The following MUC5B variants were observed in gnomAD, a reference collection of about 807,000 sequenced individuals.
MUC5B encodes mucin 5B, oligomeric mucus/gel-forming, also known as mucin-5B.
MUC5B carries 116 observed loss-of-function variants against 376.9 expected under a neutral mutation model. That is an observed-to-expected ratio of 0.31 (90% CI 0.26 to 0.36). MUC5B has a LOEUF of 0.36. Ranked by LOEUF, MUC5B falls within the 10% of genes least tolerant of loss-of-function variation. The pLI is 1.00. For missense variants in MUC5B, 7,165 were observed against 7,769.9 expected (o/e 0.92, Z 2.93); for synonymous variants, 3,517 against 3,390.9 (o/e 1.04, Z -1.29).
intron 31 of MUC5B, 119 bp downstream of exon 31, chr11:1,251,862 C>CAAG: frequency 1.3e-6 from 1 of 765,814 alleles, no homozygotes; most frequent in African/African-American, 1.7e-5. Context: ...CCCCACTGGC[C>CAAG]TCACTTGGCC....
In MUC5B at chr11:1,234,645, G is replaced by T; in HGVS notation, c.2595G>T (p.Lys865Asn). Residue 865 changes from lysine to asparagine, a missense_variant, in exon 21 of 49, where the codon AAG becomes AAT. Lys to Asn is a moderately conservative substitution (Grantham distance 94). Around this residue, in one of 31 missense-constraint regions of MUC5B, gnomAD observed 530 missense variants for 604.0 expected, o/e 0.88. Coordinates refer to ENST00000529681, the MANE Select transcript of MUC5B (RefSeq NM_002458.3). The surrounding 1 kb of genome is among the most constrained non-coding windows in gnomAD (Gnocchi z 6.3). ...GTGTGCACAACGAGGCCACCTACAA[G>T]CCTGGAGAGACCATCAGGGTCGACT... Reference protein sequence around the residue: ...CPCVHNEATYKPGETIRVDCN... With the variant: ...CPCVHNEATYNPGETIRVDCN... 6.5e-7 allele frequency: 1 copy of T among 1,550,180 alleles called. No homozygotes were observed. Among genetic ancestry groups the T allele is most frequent in the Non-Finnish European group, 8.7e-7 (1 of 1,147,184 alleles).
chr11:1,227,921 G>A, intron 7 of MUC5B, 140 bp downstream of exon 7: 1 of 608,774 alleles, frequency 1.6e-6, no homozygotes, highest in African/African-American at 1.8e-5. Context: ...CCCTCTGTGT[G>A]CTCAGTTCCA....
chr11:1,225,754 G>T lies in MUC5B; in HGVS notation c.127+17G>T. On this transcript the variant is annotated intron_variant, in intron 2 of 48. Coordinates refer to ENST00000529681, the MANE Select transcript of MUC5B (RefSeq NM_002458.3). ...TGGATGGCGGTATGTGGCCAGGTTC[G>T]GGGGTGGGGGGTTCCTGACCAGGCT... The T allele has an allele frequency of 6.3e-7, 1 of 1,599,182 alleles. No individual in the cohort carries two copies. Among genetic ancestry groups the T allele is most frequent in the East Asian group, 2.3e-5 (1 of 44,196 alleles).
At position 1,234,336 on chromosome 11, in the gene MUC5B, A is replaced by G; in HGVS notation, c.2478+31A>G. On this transcript the variant is annotated intron_variant, in intron 20 of 48. Transcript: ENST00000529681. This position sits in a 1 kb window ranked among gnomAD's most constrained non-coding sequence, Gnocchi z 6.3. ...TTCCATGCTTCAGGGAGGGGTGGGC[A>G]GGGAAGGGGTCCCAGCTTTCCCAGC... is the stretch of plus-strand genomic sequence containing the variant. 11 of 744,162 alleles carry G rather than the reference A, an allele frequency of 1.5e-5. No individual in the cohort carries two copies. Among genetic ancestry groups the G allele is most frequent in the Non-Finnish European group, 2.3e-5 (10 of 440,588 alleles). 46.1% of individuals were successfully genotyped at this position (744,162 alleles called of 1,614,324 possible).
At chr11:1,232,577 G>A in intron 16 of MUC5B, 33 bp downstream of exon 16, 1 of 1,604,380 alleles carries the variant, frequency 6.2e-7, no homozygotes, top group East Asian at 2.3e-5. Context: ...CCACGCCTGG[G>A]CAGGATGGGT....
At chr11:1,238,677 C>CAGGTGGGCTGG (rs1382343149) in intron 25 of MUC5B, among the ~76,000 whole-genome samples, 194 bp from the exon 26 acceptor site, 2 of 152,168 alleles carry the variant, frequency 1.3e-5, no homozygotes, top group African/African-American at 4.8e-5. Context: ...GACGAGGGCA[C>CAGGTGGGCTGG]AGGTGGGCTG....
rs1186534445 is a variant in MUC5B at position 1,244,202 on chromosome 11, C to T, written c.7322C>T (p.Thr2441Ile). The change falls in exon 31 of 49, where the codon ACA (threonine) becomes ATA (isoleucine). Residue 2441 changes from threonine (T) to isoleucine (I), a missense_variant. By Grantham distance (89) the Thr-to-Ile change is moderately conservative. Transcript: ENST00000529681. ...GTTWILTELT[T>I]TATTTESTGS... ...ACCTGGATCCTCACAGAGCTGACCA[C>T]AACAGCCACTACGACTGAGTCCACT... 4.3e-6 allele frequency: 7 copies of T among 1,612,462 alleles called. No individual in the cohort carries two copies. The highest frequency in any genetic ancestry group is 1.7e-4 in the Middle Eastern group (1 of 6,002).
intron 9 of MUC5B, 121 bp from the exon 10 acceptor site, chr11:1,229,569 G>C (rs1861973846): frequency 6.5e-6 from 6 of 921,924 alleles, no homozygotes; most frequent in Non-Finnish European, 9.8e-6. Context: ...CTCAGGGCGG[G>C]GGCGGTGTCC....
chr11:1,233,045 C>A lies in MUC5B; in HGVS notation c.2098C>A (p.Arg700Ser), dbSNP rs763790566. ...CATGCAGAACTGCCCCAAGTCCCAG[C>A]GCTACGCCTACGTGGTGGATGCCTG... Reference protein sequence around the residue: ...KYMQNCPKSQRYAYVVDACQP... With the variant: ...KYMQNCPKSQSYAYVVDACQP... Residue 700 changes from arginine (R) to serine (S), a missense_variant, in exon 18 of 49, where the codon CGC (arginine) becomes AGC (serine). By Grantham distance (110) the Arg-to-Ser change is moderately radical (BLOSUM62 -1). Coordinates refer to ENST00000529681, the MANE Select transcript of MUC5B (RefSeq NM_002458.3). 3 of 1,601,918 alleles carry A rather than the reference C, an allele frequency of 1.9e-6. No homozygotes were observed. The highest frequency in any genetic ancestry group is 2.5e-6 in the Non-Finnish European group (3 of 1,177,846).
rs1862880574 is a variant in MUC5B, at chr11:1,257,753, G to A, written c.16450+43G>A. On this transcript the variant is annotated intron_variant, in intron 41 of 48. Coordinates refer to ENST00000529681, the MANE Select transcript of MUC5B (RefSeq NM_002458.3). This position sits in a 1 kb window ranked among gnomAD's most constrained non-coding sequence, Gnocchi z 8.9. Reference sequence around the variant, plus strand: ...AGAGGTGCCCGGCATAGGGTGAGGGGGGACAGAGCCGGTGCCCACCAGGGG... The same window carrying A: ...AGAGGTGCCCGGCATAGGGTGAGGGAGGACAGAGCCGGTGCCCACCAGGGG... 3.3e-6 allele frequency: 5 copies of A among 1,507,918 alleles called. No homozygotes were observed. Among genetic ancestry groups the A allele is most frequent in the Admixed American group, 2.0e-5 (1 of 49,590 alleles). The allele number at this position is 1,507,918 out of a possible 1,614,324, so 93.4% of individuals were successfully genotyped here. A position where few individuals can be genotyped will look rare whatever the true frequency, so the allele number is the denominator to read the frequency against.
Position 1,241,058 on chromosome 11 carries a change from T to C in MUC5B, c.4178T>C (p.Leu1393Pro). Reference protein sequence around the residue: ...AQLPDMPLEELGQQVDCDRMR... With the variant: ...AQLPDMPLEEPGQQVDCDRMR... ...CTTCCCGACATGCCGCTGGAGGAGCTGGGCCAGCAGGTGGACTGTGACCGC... is the reference window on the plus strand; with the variant it reads ...CTTCCCGACATGCCGCTGGAGGAGCCGGGCCAGCAGGTGGACTGTGACCGC... The change falls in exon 31 of 49, where the codon CTG (leucine) becomes CCG (proline). Residue 1393 changes from leucine to proline, a missense_variant. Leu to Pro is a moderately conservative substitution (Grantham distance 98). Transcript: ENST00000529681. 1.2e-6 allele frequency: 2 copies of C among 1,612,462 alleles called. No individual in the cohort carries two copies.
rs577555918 is a variant in MUC5B at position 1,223,178 on chromosome 11, G to C, written c.55G>C (p.Val19Leu). The C allele has an allele frequency of 4.1e-5, 29 of 710,930 alleles. No individual in the cohort carries two copies. The highest frequency in any genetic ancestry group is 7.5e-5 in the Non-Finnish European group (29 of 384,676). 44.0% of individuals were successfully genotyped at this position (710,930 alleles called of 1,614,324 possible). ...TLVLALAAMLVVPQAETQGPV... is the reference protein window; with the variant it reads ...TLVLALAAMLLVPQAETQGPV... Reference sequence around the variant, plus strand: ...GGTGTTGGCTCTGGCGGCCATGCTCGTGGTGCCGCAGGCAGGTAAGAGCCC... The same window carrying C: ...GGTGTTGGCTCTGGCGGCCATGCTCCTGGTGCCGCAGGCAGGTAAGAGCCC... Residue 19 changes from valine (V) to leucine (L), a missense_variant, in exon 1 of 49, where the codon GTG becomes CTG. Physicochemically the swap from Val to Leu is conservative, Grantham distance 32. Around this residue, in one of 31 missense-constraint regions of MUC5B, gnomAD observed 640 missense variants for 733.0 expected, o/e 0.87. Transcript: ENST00000529681.
chr11:1,232,494 A>G lies in MUC5B; in HGVS notation c.1888A>G (p.Ser630Gly), dbSNP rs749649571. 14 of 1,611,080 alleles carry G rather than the reference A, an allele frequency of 8.7e-6. No homozygotes were observed. In the South Asian group the frequency reaches 1.5e-4, roughly 18 times the overall value. ...HWCSRLTDPNSAFSRCHSIIN... is the reference protein window; with the variant it reads ...HWCSRLTDPNGAFSRCHSIIN... ...GTGCTCGCGCCTGACCGATCCCAAC[A>G]GTGCCTTCTCGCGCTGCCACTCCAT... The change falls in exon 16 of 49, where the codon AGT becomes GGT. Residue 630 changes from serine (S) to glycine (G), a missense_variant. Ser to Gly is a moderately conservative substitution (Grantham distance 56). Around this residue, in one of 31 missense-constraint regions of MUC5B, gnomAD observed 530 missense variants for 604.0 expected, o/e 0.88. Coordinates refer to ENST00000529681, the MANE Select transcript of MUC5B (RefSeq NM_002458.3).
At position 1,255,545 on chromosome 11, in the gene MUC5B, C is replaced by A. The variant is rs117452757; in HGVS notation, c.16053C>A (p.Thr5351=). The change falls in exon 37 of 49, where the codon ACC becomes ACA. Residue 5351 remains threonine, a synonymous_variant. Coordinates refer to ENST00000529681, the MANE Select transcript of MUC5B (RefSeq NM_002458.3). The part of the protein sequence containing the change: ...RGVCSDWRGA[T]GGLCDLTCPP... ...TGTGCAGTGACTGGCGAGGTGCAAC[C>A]GGTGGCCTGTGCGGTGAGTGGGGGC... The A allele has an allele frequency of 2.0e-6, 3 of 1,479,370 alleles. No individual in the cohort carries two copies. The highest frequency in any genetic ancestry group is 2.8e-6 in the Non-Finnish European group (3 of 1,085,508). 91.6% of individuals were successfully genotyped at this position (1,479,370 alleles called of 1,614,324 possible). A position where few individuals can be genotyped will look rare whatever the true frequency, so the allele number is the denominator to read the frequency against.
intron 23 of MUC5B, 48 bp from the exon 24 acceptor site, chr11:1,236,338 C>G (rs755481595): frequency 6.4e-7 from 1 of 1,563,078 alleles, no homozygotes; most frequent in East Asian, 2.3e-5. Context: ...CAGGCCCCTC[C>G]CTGGGGGCCA....
chr11:1,248,371 G>A lies in MUC5B; in HGVS notation c.11491G>A (p.Ala3831Thr), dbSNP rs190819085. The change falls in exon 31 of 49, where the codon GCC (alanine) becomes ACC (threonine). Residue 3831 changes from alanine to threonine, a missense_variant. Transcript: ENST00000529681. ...CACACCCTCCTCCACTCCAGAGACTGCCCACACCTCCACAGTGCTTACCAC... is the reference window on the plus strand; with the variant it reads ...CACACCCTCCTCCACTCCAGAGACTACCCACACCTCCACAGTGCTTACCAC... ...TATPSSTPET[A>T]HTSTVLTTTA... 1.2e-4 allele frequency: 188 copies of A among 1,611,764 alleles called. No homozygotes were observed. Among genetic ancestry groups the A allele is most frequent in the Non-Finnish European group, 1.5e-4 (180 of 1,179,252 alleles).
At position 1,238,669 on chromosome 11, in the gene MUC5B, C is replaced by T. The variant is rs532652645; in HGVS notation, c.3298-202C>T. Among the ~76,000 whole-genome samples, 14 of 152,218 alleles carry T rather than the reference C, an allele frequency of 9.2e-5. No individual in the cohort carries two copies. In the East Asian group the frequency reaches 1.2e-3, roughly 13 times the overall value. On this transcript the variant is annotated intron_variant, in intron 25 of 48. Transcript: ENST00000529681. The stretch of plus-strand genomic sequence containing the variant: ...GCAGGTGGGCAGGGATATAGGTGGA[C>T]GAGGGCACAGGTGGGCTGGAGAAGT...
At chr11:1,230,784 G>C (rs1428355324) in intron 12 of MUC5B, among the ~76,000 whole-genome samples, 152 bp from the exon 13 acceptor site, 11 of 151,888 alleles carry the variant, frequency 7.2e-5, no homozygotes, top group Admixed American at 6.5e-4. Flanking sequence ...GTCCTCCCGG[G>C]GGGGCAATTG....
In MUC5B at chr11:1,233,022, T is replaced by C; in HGVS notation, c.2075T>C (p.Met692Thr). 6.3e-7 allele frequency: 1 copy of C among 1,592,696 alleles called. No homozygotes were observed. The highest frequency in any genetic ancestry group is 8.5e-7 in the Non-Finnish European group (1 of 1,174,316). The change falls in exon 18 of 49, where the codon ATG becomes ACG. Residue 692 changes from methionine (M) to threonine (T), a missense_variant. Around this residue, in one of 31 missense-constraint regions of MUC5B, gnomAD observed 530 missense variants for 604.0 expected, o/e 0.88. Transcript: ENST00000529681. ...DWRDGVCTKY[M>T]QNCPKSQRYA... ...GCCCCACCGACCACAGCCAAGTACA[T>C]GCAGAACTGCCCCAAGTCCCAGCGC...
Sources: gnomAD v4.1 joint callset for allele counts (sites outside exome capture counted in the v4.1 genomes callset) on GRCh38, gnomAD v4.1.1 for gene constraint, gnomAD v4.1.1 regional missense constraint, Gnocchi (gnomAD v3.1) non-coding constraint, MANE v1.5 for transcripts, NCBI Gene and HGNC (gene_info 2026-07-23, HGNC 2026-07-21) for gene names.